KIFC3: variants seen among roughly 807,000 people sequenced by gnomAD.
KIFC3 encodes the protein kinesin-like protein KIFC3.
Under a neutral mutation model 101.8 loss-of-function variants are expected in KIFC3, and 60 were observed. The observed-to-expected ratio is 0.59, with a 90% CI of 0.48 to 0.73. The LOEUF (loss-of-function observed/expected upper bound fraction) is 0.73. KIFC3 is among the 30% of genes least tolerant of loss of function. The pLI is 0.00. For synonymous variants in KIFC3, 476 were observed against 482.7 expected, an observed-to-expected ratio of 0.99 and a Z score of 0.18; for missense variants, 966 against 1,137.1, an observed-to-expected ratio of 0.85 and a Z score of 2.16.
chr16:57,775,406 TG>T, intron 3 of KIFC3: 1 of 1,046,082 alleles, frequency 9.6e-7, no homozygotes, highest in Non-Finnish European at 1.1e-6. Flanking sequence ...GGCAGGTGGT[TG>T]GCCAGCTCTA....
At chr16:57,788,886 T>G (rs1178469705) in intron 3 of KIFC3, among the ~76,000 whole-genome samples, 5 of 152,180 alleles carry the variant, frequency 3.3e-5, no homozygotes, top group Admixed American at 2.6e-4. Context: ...GAAGAGGATG[T>G]GCCAGGTCCC....
chr16:57,851,459 C>T (rs2056055998), intron 1 of KIFC3, among the ~76,000 whole-genome samples: 1 of 151,886 alleles, frequency 6.6e-6, no homozygotes, highest in African/African-American at 2.4e-5. Context: ...TTCCTTATCC[C>T]TGGTAATATC....
intron 3 of KIFC3, 51 bp from the exon 4 acceptor site, chr16:57,772,339 C>A (rs1370621183): frequency 6.5e-7 from 1 of 1,526,974 alleles, no homozygotes; most frequent in Non-Finnish European, 9.1e-7. Context: ...CAGCTCCAGC[C>A]TACACCCAGG....
At chr16:57,765,899 G>T in intron 10 of KIFC3, 1 of 437,026 alleles carries the variant, frequency 2.3e-6, no homozygotes, top group Non-Finnish European at 4.1e-6. Context: ...AAGGTCAGTT[G>T]TGGGGCTCAA....
exon 1 of KIFC3, chr16:57,862,858 T>C (rs770922667): frequency 1.0e-5 from 12 of 1,178,282 alleles, no homozygotes; most frequent in South Asian, 3.8e-5. Flanking sequence ...TACGTTTTAC[T>C]GGGTTGTCCT....
At chr16:57,759,205 C>A (rs2049506779) in intron 18 of KIFC3, 52 bp from the exon 19 acceptor site, 2 of 1,543,342 alleles carry the variant, frequency 1.3e-6, no homozygotes, top group Non-Finnish European at 1.8e-6. Flanking sequence ...TGGGCCAGTA[C>A]CCCACAAGAC....
chr16:57,759,699 C>A (rs2049589889), intron 18 of KIFC3, 29 bp downstream of exon 18: 5 of 1,555,578 alleles, frequency 3.2e-6, no homozygotes, highest in Non-Finnish European at 4.4e-6. Flanking sequence ...TGGGGAGACT[C>A]CCCACCCACA....
intron 1 of KIFC3, among the ~76,000 whole-genome samples, chr16:57,854,957 C>T (rs2056133361): frequency 6.6e-6 from 1 of 151,698 alleles, no homozygotes; most frequent in Admixed American, 6.6e-5. Context: ...CAGTGGCTGA[C>T]ACCCGTAATC....
chr16:57,781,628 G>T (rs1001338955), intron 3 of KIFC3, among the ~76,000 whole-genome samples: 1 of 152,204 alleles, frequency 6.6e-6, no homozygotes, highest in Non-Finnish European at 1.5e-5. Context: ...CAATGAGGAG[G>T]TCTGAGAAGA....
chr16:57,761,638 C>G, intron 13 of KIFC3, 102 bp from the exon 14 acceptor site: 1 of 1,359,566 alleles, frequency 7.4e-7, no homozygotes, highest in South Asian at 1.3e-5. Context: ...ACCCAGGAAG[C>G]CTTCTCCAGC....
Position 57,802,213 on chromosome 16 carries a change from G to T in KIFC3, c.-40+157C>A, listed in dbSNP as rs1555625735. On this transcript the variant is annotated intron_variant, in intron 1 of 19. Coordinates refer to ENST00000445690, the MANE Select transcript of KIFC3 (RefSeq NM_001130100.2). This position sits in a 1 kb window ranked among gnomAD's most constrained non-coding sequence, Gnocchi z 5.0. The stretch of plus-strand genomic sequence containing the variant: ...AACGGCGCTGGAGGGGACCTCGCAG[G>T]GCTGGGTCTCCCGGGCCTTTCCCTC... Among the ~76,000 whole-genome samples, 1 of 152,146 alleles carries T rather than the reference G, an allele frequency of 6.6e-6. No homozygotes were observed. The highest frequency in any genetic ancestry group is 2.1e-4 in the South Asian group (1 of 4,832).
At chr16:57,782,039 C>T (rs1322065097) in intron 3 of KIFC3, 26 of 985,302 alleles carry the variant, frequency 2.6e-5, no homozygotes, top group African/African-American at 5.2e-5. Context: ...TACCCCCTGG[C>T]GGGCTTTGCT....
intron 7 of KIFC3, among the ~76,000 whole-genome samples, chr16:57,770,281 G>A (rs1424974657): frequency 6.6e-6 from 1 of 152,246 alleles, no homozygotes; most frequent in Non-Finnish European, 1.5e-5. Context: ...CTGGGCCGTG[G>A]GCACAAAGCT....
chr16:57,855,770 A>G (rs868123545), intron 1 of KIFC3, among the ~76,000 whole-genome samples: 1 of 151,900 alleles, frequency 6.6e-6, no homozygotes, highest in African/African-American at 2.4e-5. Context: ...ACATGGCAAA[A>G]CCATGTCTCT....
At chr16:57,840,859 TG>T (rs1355079143) in intron 1 of KIFC3, among the ~76,000 whole-genome samples, 1 of 151,478 alleles carries the variant, frequency 6.6e-6, no homozygotes, top group African/African-American at 2.4e-5. Context: ...CGCAAGACAA[TG>T]TCAAACCTGG....
At chr16:57,849,993 G>A (rs926501530) in intron 1 of KIFC3, among the ~76,000 whole-genome samples, 8 of 152,082 alleles carry the variant, frequency 5.3e-5, no homozygotes, top group African/African-American at 1.2e-4. Flanking sequence ...AATCAGCCTC[G>A]AAAAGTAGGG....
rs148029657 is a variant in KIFC3 at position 57,771,259 on chromosome 16, C to T, written c.704G>A (p.Arg235Gln). 6 of 1,613,282 alleles carry T rather than the reference C, an allele frequency of 3.7e-6. No individual in the cohort carries two copies. Among genetic ancestry groups the T allele is most frequent in the East Asian group, 4.5e-5 (2 of 44,884 alleles). Residue 235 changes from arginine (R) to glutamine (Q), a missense_variant, in exon 6 of 20, where the codon CGG (arginine) becomes CAG (glutamine). Physicochemically the swap from Arg to Gln is conservative, Grantham distance 43 (BLOSUM62 1). Around this residue, in one of 2 missense-constraint regions of KIFC3, gnomAD observed 689 missense variants for 884.6 expected, o/e 0.78. Coordinates refer to ENST00000445690, the MANE Select transcript of KIFC3 (RefSeq NM_001130100.2). ...GGTCTCGTGGCTGTCACGCAGGCGC[C>T]GACTAAGCCGCTCCTCCTCCTGTGC... The part of the protein sequence containing the change: ...EKAQEEERLS[R>Q]RLRDSHETIA...
chr16:57,786,458 C>G (rs1049515238), intron 3 of KIFC3, among the ~76,000 whole-genome samples: 2 of 151,842 alleles, frequency 1.3e-5, no homozygotes, highest in Non-Finnish European at 2.9e-5. Flanking sequence ...GCTTCCAGGG[C>G]GCCAAGAATG....
chr16:57,793,782 G>A (rs76028054), intron 3 of KIFC3, among the ~76,000 whole-genome samples: 1,939 of 152,086 alleles, frequency 0.013, 46 homozygotes, highest in African/African-American at 0.043. Context: ...CCAAGATCAC[G>A]CCACTGCACT....
Sources: allele counts gnomAD v4.1 joint callset (sites outside exome capture counted in the v4.1 genomes callset), GRCh38; gene constraint gnomAD v4.1.1; regional missense constraint gnomAD v4.1.1; non-coding constraint Gnocchi (gnomAD v3.1); transcripts MANE v1.5; gene names NCBI Gene and HGNC (gene_info 2026-07-23, HGNC 2026-07-21).